The following TMC1 variants were observed in gnomAD, a reference collection of about 807,000 sequenced individuals.
TMC1 encodes transmembrane channel like 1.
In TMC1, 84 loss-of-function variants were observed where a neutral mutation model predicts 105.8. That is an observed-to-expected ratio of 0.79 (90% CI 0.67 to 0.95). The LOEUF (loss-of-function observed/expected upper bound fraction) is 0.95. TMC1 is among the 40% of genes least tolerant of loss of function. The pLI is 0.00. For missense variants in TMC1, 817 were observed against 914.1 expected, an observed-to-expected ratio of 0.89 and a Z score of 1.37; for synonymous variants, 315 against 311.5, an observed-to-expected ratio of 1.01 and a Z score of -0.12.
chr9:72,542,602 A>C (rs1487115673), intron 1 of TMC1, among the ~76,000 whole-genome samples: 1 of 150,712 alleles, frequency 6.6e-6, no homozygotes, highest in Non-Finnish European at 1.5e-5. Context: ...CCTAGGGGGG[A>C]GAAAAAGAAA....
intron 19 of TMC1, among the ~76,000 whole-genome samples, chr9:72,820,193 C>T (rs1337502392): frequency 6.6e-6 from 1 of 152,174 alleles, no homozygotes. Flanking sequence ...TTAGGAGGCA[C>T]AAACACATCA....
At chr9:72,661,178 ATGAT>A (rs1405333421) in intron 5 of TMC1, among the ~76,000 whole-genome samples, 1 of 152,128 alleles carries the variant, frequency 6.6e-6, no homozygotes, top group South Asian at 2.1e-4. Context: ...AAGAATGTAA[ATGAT>A]TGGGAGTTAA....
At chr9:72,830,739 T>TTTTTTTTTTTTTTTC (rs1829029956) in intron 23 of TMC1, 57 bp downstream of exon 23, 1 of 209,332 alleles carries the variant, frequency 4.8e-6, no homozygotes, top group Admixed American at 7.9e-5. Flanking sequence ...TTTTTCTTTC[T>TTTTTTTTTTTTTTTC]TTTTTTTTTT....
chr9:72,760,918 T>C (rs1042888203), intron 12 of TMC1, among the ~76,000 whole-genome samples: 1 of 152,160 alleles, frequency 6.6e-6, no homozygotes, highest in Non-Finnish European at 1.5e-5. Flanking sequence ...CTTAGATGTA[T>C]ATATCACAAC....
chr9:72,743,900 C>A (rs1186571009), intron 10 of TMC1, among the ~76,000 whole-genome samples: 1 of 152,164 alleles, frequency 6.6e-6, no homozygotes, highest in African/African-American at 2.4e-5. Context: ...CACAATCTTT[C>A]CATATTCTGG....
Position 72,835,990 on chromosome 9 carries a change from C to A in TMC1, c.*17C>A. 6.2e-7 allele frequency: 1 copy of A among 1,606,508 alleles called. No individual in the cohort carries two copies. Among genetic ancestry groups the A allele is most frequent in the Non-Finnish European group, 8.5e-7 (1 of 1,179,184 alleles). ...CGCCAGTAATAAGTATCCTGAGAGC[C>A]CAGAAAAGGTACACTTTGCCTTGCT... On this transcript the variant is annotated 3_prime_UTR_variant, in exon 24 of 24. Transcript: ENST00000297784.
At chr9:72,625,952 G>T (rs1272183070) in intron 3 of TMC1, among the ~76,000 whole-genome samples, 1 of 152,196 alleles carries the variant, frequency 6.6e-6, no homozygotes, top group Non-Finnish European at 1.5e-5. Flanking sequence ...TGTCAGATCA[G>T]TTCTGGATAT....
rs976528837 is a variant in TMC1, at chr9:72,665,621, T to G, written c.16+16957T>G. ...TGAAATAAACCAGGGCAAGCTCCTC[T>G]TTGGAATTCACAAGTCTGACAACTG... On this transcript the variant is annotated intron_variant, in intron 5 of 23. Coordinates refer to ENST00000297784, the MANE Select transcript of TMC1 (RefSeq NM_138691.3). Among the ~76,000 whole-genome samples, 3 of 152,224 alleles carry G rather than the reference T, an allele frequency of 2.0e-5. No homozygotes were observed. The East Asian group carries it at 5.8e-4, about 29-fold the overall frequency.
chr9:72,697,238 A>T (rs1161837712), intron 7 of TMC1, among the ~76,000 whole-genome samples: 1 of 152,162 alleles, frequency 6.6e-6, no homozygotes, highest in African/African-American at 2.4e-5. Flanking sequence ...TTGTATACAT[A>T]TGTTCATTCA....
chr9:72,606,974 T>TGC (rs57836292), intron 2 of TMC1, among the ~76,000 whole-genome samples: 11 of 135,122 alleles, frequency 8.1e-5, no homozygotes, highest in African/African-American at 2.7e-4. Context: ...TATGTATGTG[T>TGC]GTGTGTGCAT....
chr9:72,771,471 G>C (rs1460588177), intron 12 of TMC1, among the ~76,000 whole-genome samples: 2 of 152,140 alleles, frequency 1.3e-5, no homozygotes, highest in Non-Finnish European at 2.9e-5. Context: ...CAAAGTCCCT[G>C]GGTTCGTATA....
intron 5 of TMC1, among the ~76,000 whole-genome samples, chr9:72,678,194 G>A (rs549916180): frequency 6.6e-6 from 1 of 152,162 alleles, no homozygotes; most frequent in East Asian, 1.9e-4. Context: ...CCACTTATTG[G>A]TTGTATGATT....
At chr9:72,700,761 T>G (rs199510636) in intron 8 of TMC1, 118 bp downstream of exon 8, 1 of 152,196 alleles carries the variant, frequency 6.6e-6, no homozygotes, top group Non-Finnish European at 1.1e-5. Flanking sequence ...CACACACACA[T>G]ACACACACAC....
chr9:72,695,077 G>C (rs1017692698), intron 7 of TMC1, among the ~76,000 whole-genome samples: 7 of 152,128 alleles, frequency 4.6e-5, no homozygotes, highest in African/African-American at 1.7e-4. Context: ...ATCTTACAGA[G>C]CAGGGGTTGG....
intron 23 of TMC1, among the ~76,000 whole-genome samples, chr9:72,835,130 C>A (rs969636693): frequency 6.6e-6 from 1 of 152,040 alleles, no homozygotes; most frequent in Non-Finnish European, 1.5e-5. Flanking sequence ...GTTTATGCAA[C>A]CTTCTCCATC....
chr9:72,822,514 T>TTGTGTGTGTGTGTGTG (rs368968408), intron 20 of TMC1, among the ~76,000 whole-genome samples: 4 of 135,768 alleles, frequency 2.9e-5, no homozygotes, highest in Non-Finnish European at 6.4e-5. Context: ...GTTAATTCCG[T>TTGTGTGTGTGTGTGTG]TGTGTGTGTG....
intron 1 of TMC1, among the ~76,000 whole-genome samples, chr9:72,543,833 C>T (rs1318095187): frequency 6.6e-6 from 1 of 152,036 alleles, no homozygotes; most frequent in Non-Finnish European, 1.5e-5. Flanking sequence ...AATTCGTGGG[C>T]TCAAGAGATC....
chr9:72,706,051 C>G (rs905736288), intron 8 of TMC1, among the ~76,000 whole-genome samples: 3 of 152,196 alleles, frequency 2.0e-5, no homozygotes, highest in African/African-American at 7.2e-5. Context: ...TTTCACACTT[C>G]TTTTCATTTG....
chr9:72,561,346 AG>A (rs1564411169), intron 1 of TMC1, among the ~76,000 whole-genome samples: 8 of 146,460 alleles, frequency 5.5e-5, no homozygotes, highest in Admixed American at 2.0e-4. Flanking sequence ...AAAAAGAGAG[AG>A]AGAAAATAAC....
Sources: gnomAD v4.1 joint callset for allele counts (sites outside exome capture counted in the v4.1 genomes callset) on GRCh38, gnomAD v4.1.1 for gene constraint, MANE v1.5 for transcripts, NCBI Gene and HGNC (gene_info 2026-07-23, HGNC 2026-07-21) for gene names.